CACNA2D1: variants seen among roughly 807,000 people sequenced by gnomAD.
CACNA2D1 encodes the protein voltage-dependent calcium channel subunit alpha-2/delta-1.
In CACNA2D1, 53 loss-of-function variants were observed where a neutral mutation model predicts 171.5. The observed-to-expected ratio is 0.31, with a 90% confidence interval of 0.25 to 0.39. CACNA2D1 has a LOEUF of 0.39. CACNA2D1 is among the 10% of genes least tolerant of loss of function. The pLI is 1.00. For missense variants in CACNA2D1, 903 were observed against 1,299.8 expected (o/e 0.69, Z 4.69); for synonymous variants, 442 against 443.1 (o/e 1.00, Z 0.03).
chr7:82,276,661 T>C (rs1472012533), intron 3 of CACNA2D1, among the ~76,000 whole-genome samples: 1 of 152,212 alleles, frequency 6.6e-6, no homozygotes, highest in African/African-American at 2.4e-5. Flanking sequence ...CTCTATTATT[T>C]GAAACCACAA....
intron 19 of CACNA2D1, among the ~76,000 whole-genome samples, chr7:81,996,842 T>C (rs1798095986): frequency 6.6e-6 from 1 of 151,752 alleles, no homozygotes; most frequent in Non-Finnish European, 1.5e-5. Flanking sequence ...TCCTTCCAAC[T>C]TTTTTTTCAA....
chr7:82,061,946 G>A (rs1229715807), intron 9 of CACNA2D1, among the ~76,000 whole-genome samples: 3 of 152,102 alleles, frequency 2.0e-5, no homozygotes, highest in South Asian at 2.1e-4. Flanking sequence ...CCCATCTGAG[G>A]TTCTAGAATA....
At chr7:82,161,735 C>T (rs1443058501) in intron 4 of CACNA2D1, among the ~76,000 whole-genome samples, 3 of 151,928 alleles carry the variant, frequency 2.0e-5, no homozygotes, top group Non-Finnish European at 4.4e-5. Context: ...GCCAGTGAGA[C>T]AGGTAAATGA....
intron 1 of CACNA2D1, among the ~76,000 whole-genome samples, chr7:82,396,907 A>T (rs1284629095): frequency 1.3e-5 from 2 of 152,248 alleles, no homozygotes; most frequent in African/African-American, 4.8e-5. Flanking sequence ...TGAAAACAAA[A>T]GTCTAACAGA....
At position 82,181,041 on chromosome 7, in the gene CACNA2D1, ATTTTTTTTTTTTTTTTTT is replaced by A. The variant is rs71093367; in HGVS notation, c.295-10450_295-10433del. ...GGTCAGCAGCTGTGGGGCATGTCGG[ATTTTTTTTTTTTTTTTTT>A]TTTTTTTTTTTTTTTTTTGCGTCAG... is the stretch of plus-strand genomic sequence containing the variant. On this transcript the variant is annotated intron_variant, in intron 3 of 38. Coordinates refer to ENST00000356860, the MANE Select transcript of CACNA2D1 (RefSeq NM_000722.4). 0.01 allele frequency among the ~76,000 whole-genome samples: 143 copies of A among 13,962 alleles called. 5 individuals carry two copies. The East Asian group carries it at 0.11, about 10-fold the overall frequency. 9.2% of individuals were successfully genotyped at this position (13,962 alleles called of 152,430 possible).
At chr7:82,237,756 T>C (rs191783913) in intron 3 of CACNA2D1, among the ~76,000 whole-genome samples, 55 of 152,118 alleles carry the variant, frequency 3.6e-4, no homozygotes, top group African/African-American at 1.2e-3. Flanking sequence ...AGTACTTCAC[T>C]ATGTGTTGGT....
intron 1 of CACNA2D1, among the ~76,000 whole-genome samples, chr7:82,351,595 A>C (rs898380603): frequency 4.7e-5 from 7 of 148,596 alleles, no homozygotes; most frequent in African/African-American, 1.8e-4. Context: ...AGGTAAATGA[A>C]TATCAAGAAA....
chr7:82,180,793 G>C (rs74827608), intron 3 of CACNA2D1, among the ~76,000 whole-genome samples: 1 of 152,010 alleles, frequency 6.6e-6, no homozygotes, highest in Non-Finnish European at 1.5e-5. Context: ...GAAGTCTTGA[G>C]GTGACAGGGA....
At chr7:82,352,022 T>C (rs2129446198) in intron 1 of CACNA2D1, among the ~76,000 whole-genome samples, 1 of 152,332 alleles carries the variant, frequency 6.6e-6, no homozygotes. Context: ...TTCTGATTTA[T>C]ACTAAACTGA....
At chr7:82,218,217 A>C (rs1801377052) in intron 3 of CACNA2D1, among the ~76,000 whole-genome samples, 1 of 152,106 alleles carries the variant, frequency 6.6e-6, no homozygotes, top group African/African-American at 2.4e-5. Flanking sequence ...TACAGGTGTA[A>C]GCCACCGTGT....
rs1198136888 is a variant in CACNA2D1 at position 82,146,327 on chromosome 7, C to CGT, written c.355-9653_355-9652dup. On this transcript the variant is annotated intron_variant, in intron 4 of 38. Transcript: ENST00000356860. ...ATATATATACGTGTGTGTGTGTGTG[C>CGT]GTGTGTGTGTGTGTAGAAGAAATGA... Among the ~76,000 whole-genome samples the CGT allele has an allele frequency of 1.7e-3, 189 of 109,804 alleles. 1 individual carries two copies. The Middle Eastern group carries it at 0.06, about 35-fold the overall frequency. 72.0% of individuals were successfully genotyped at this position (109,804 alleles called of 152,430 possible). A position where few individuals can be genotyped will look rare whatever the true frequency, so the allele number is the denominator to read the frequency against.
At chr7:82,387,374 T>C (rs1164960541) in intron 1 of CACNA2D1, among the ~76,000 whole-genome samples, 1 of 152,206 alleles carries the variant, frequency 6.6e-6, no homozygotes, top group Admixed American at 6.5e-5. Context: ...TCTTGAATAC[T>C]GTTCTTTATG....
chr7:82,312,107 T>C (rs1456731692), intron 3 of CACNA2D1, among the ~76,000 whole-genome samples: 1 of 152,208 alleles, frequency 6.6e-6, no homozygotes, highest in East Asian at 1.9e-4. Flanking sequence ...TTATGGCCTA[T>C]ATGACTAATC....
intron 10 of CACNA2D1, among the ~76,000 whole-genome samples, chr7:82,041,154 A>G (rs529299991): frequency 6.6e-6 from 1 of 152,206 alleles, no homozygotes; most frequent in East Asian, 1.9e-4. Context: ...ACAGGGTGGC[A>G]TCTGTAGGGT....
chr7:82,172,040 T>C (rs1381099353), intron 3 of CACNA2D1, among the ~76,000 whole-genome samples: 1 of 152,038 alleles, frequency 6.6e-6, no homozygotes, highest in Non-Finnish European at 1.5e-5. Context: ...AGTGACTCTA[T>C]AATATTGCCT....
intron 3 of CACNA2D1, among the ~76,000 whole-genome samples, chr7:82,243,230 C>A (rs764111437): frequency 1.3e-5 from 2 of 152,104 alleles, no homozygotes; most frequent in South Asian, 4.1e-4. Flanking sequence ...AAGTTCTCTC[C>A]ATCCTGCTAC....
intron 1 of CACNA2D1, among the ~76,000 whole-genome samples, chr7:82,404,542 T>C (rs746431783): frequency 1.7e-4 from 26 of 152,284 alleles, no homozygotes; most frequent in Non-Finnish European, 1.0e-4. Flanking sequence ...AAGGTTGAAA[T>C]GAAGCTCAAC....
intron 3 of CACNA2D1, among the ~76,000 whole-genome samples, chr7:82,307,830 G>T (rs78571023): frequency 0.038 from 5,780 of 152,110 alleles, 159 homozygotes; most frequent in Middle Eastern, 0.082. Context: ...ATGCAAAGAG[G>T]GATAAAAAAT....
At chr7:82,357,263 C>T (rs148001583) in intron 1 of CACNA2D1, among the ~76,000 whole-genome samples, 9 of 151,774 alleles carry the variant, frequency 5.9e-5, no homozygotes, top group East Asian at 1.9e-4. Flanking sequence ...ATTTTCAAAA[C>T]GAAAAAAATA....
Sources: gnomAD v4.1 joint callset for allele counts (sites outside exome capture counted in the v4.1 genomes callset) on GRCh38, gnomAD v4.1.1 for gene constraint, MANE v1.5 for transcripts, NCBI Gene and HGNC (gene_info 2026-07-23, HGNC 2026-07-21) for gene names.